Variants in USP32 observed in about 807,000 individuals in gnomAD.
USP32 encodes the protein ubiquitin carboxyl-terminal hydrolase 32.
USP32 carries 59 observed loss-of-function variants against 204.8 expected under a neutral mutation model. The ratio of observed to expected loss-of-function variants is 0.29; its 90% CI spans 0.23 to 0.36. The LOEUF (loss-of-function observed/expected upper bound fraction) is 0.36, where lower values mean the gene tolerates loss of function less well. USP32 is among the 10% of genes least tolerant of loss of function. USP32 has a pLI of 1.00. For missense variants in USP32, 1,160 were observed against 1,946.4 expected, an observed-to-expected ratio of 0.60 and a Z score of 7.60; for synonymous variants, 517 against 678.4, an observed-to-expected ratio of 0.76 and a Z score of 3.70.
chr17:60,393,846 G>A (rs2146151364), upstream of USP32, among the ~76,000 whole-genome samples: 1 of 152,144 alleles, frequency 6.6e-6, no homozygotes, highest in East Asian at 1.9e-4. Flanking sequence ...CACCATGCCT[G>A]GCTAATTTTG....
chr17:60,311,174 G>C (rs942129437), intron 2 of USP32, among the ~76,000 whole-genome samples: 3 of 152,070 alleles, frequency 2.0e-5, no homozygotes, highest in Non-Finnish European at 4.4e-5. Flanking sequence ...AACATTTAAG[G>C]TAATGAATAT....
At chr17:60,232,938 A>T (rs2085612676) in intron 12 of USP32, among the ~76,000 whole-genome samples, 1 of 152,200 alleles carries the variant, frequency 6.6e-6, no homozygotes, top group Non-Finnish European at 1.5e-5. Flanking sequence ...TCTGCCAGGC[A>T]CTGGGCTAAG....
chr17:60,374,459 G>A (rs531178502), intron 1 of USP32, among the ~76,000 whole-genome samples: 2 of 151,310 alleles, frequency 1.3e-5, no homozygotes, highest in South Asian at 2.1e-4. Flanking sequence ...GTGCACTGGC[G>A]TGATCAAGGC....
intron 15 of USP32, among the ~76,000 whole-genome samples, chr17:60,221,055 C>CT (rs924818328): frequency 1.0e-4 from 15 of 146,100 alleles, no homozygotes; most frequent in East Asian, 2.0e-4. Flanking sequence ...TGCAACAGAA[C>CT]TTTTTTTTTT....
At chr17:60,314,835 G>C (rs1350556525) in intron 2 of USP32, among the ~76,000 whole-genome samples, 1 of 151,918 alleles carries the variant, frequency 6.6e-6, no homozygotes, top group Non-Finnish European at 1.5e-5. Flanking sequence ...CACTGAGAGG[G>C]AAAAAGGTAT....
upstream of USP32, among the ~76,000 whole-genome samples, chr17:60,393,944 A>G (rs929564535): frequency 6.6e-6 from 1 of 152,144 alleles, no homozygotes; most frequent in Non-Finnish European, 1.5e-5. Context: ...TCAGCCTCCC[A>G]GAGTGCTGGG....
chr17:60,339,202 C>T (rs907146717), intron 2 of USP32, among the ~76,000 whole-genome samples: 1 of 151,986 alleles, frequency 6.6e-6, no homozygotes, highest in East Asian at 1.9e-4. Flanking sequence ...TGAGCCACCG[C>T]GCCCAGCCTA....
chr17:60,259,328 T>C (rs548313182), intron 9 of USP32, among the ~76,000 whole-genome samples: 20 of 152,306 alleles, frequency 1.3e-4, no homozygotes, highest in Middle Eastern at 3.4e-3. Flanking sequence ...ATATATAGCA[T>C]ATATGCCCTT....
intron 11 of USP32, among the ~76,000 whole-genome samples, chr17:60,238,066 A>C (rs1286678980): frequency 6.6e-6 from 1 of 152,174 alleles, no homozygotes; most frequent in Non-Finnish European, 1.5e-5. Context: ...CCTACTTGCC[A>C]AAACCTTCCA....
intron 5 of USP32, among the ~76,000 whole-genome samples, chr17:60,282,909 A>T (rs2087003858): frequency 6.6e-6 from 1 of 152,144 alleles, no homozygotes; most frequent in African/African-American, 2.4e-5. Flanking sequence ...ACTAAGAAAA[A>T]CTCAAAGGAA....
intron 1 of USP32, among the ~76,000 whole-genome samples, chr17:60,353,780 G>A (rs1291811240): frequency 2.0e-5 from 3 of 152,068 alleles, no homozygotes; most frequent in East Asian, 1.9e-4. Flanking sequence ...TATGTAAATC[G>A]CTTTTACAAA....
At chr17:60,224,140 T>TAA (rs2085325989) in intron 13 of USP32, among the ~76,000 whole-genome samples, 1 of 152,218 alleles carries the variant, frequency 6.6e-6, no homozygotes, top group Non-Finnish European at 1.5e-5. Context: ...AACCATGGCT[T>TAA]AGAGTTGTGA....
In USP32 at chr17:60,324,481, T is replaced by C. The variant is rs187727456; in HGVS notation, c.186+21000A>G. 1.8e-4 allele frequency among the ~76,000 whole-genome samples: 28 copies of C among 152,042 alleles called. No homozygotes were observed. In the East Asian group the frequency reaches 4.6e-3, roughly 25 times the overall value. On this transcript the variant is annotated intron_variant, in intron 2 of 33. Transcript: ENST00000300896. ...TACCCCTGAGATCAATGGGTTCCTA[T>C]AGATAGAATTTTATATTTATATTTT... is the stretch of plus-strand genomic sequence containing the variant.
chr17:60,195,691 C>G (rs547294420), intron 27 of USP32, among the ~76,000 whole-genome samples: 4 of 152,288 alleles, frequency 2.6e-5, no homozygotes, highest in Middle Eastern at 6.8e-3. Context: ...TGTCGGAATG[C>G]GTATGAACTC....
chr17:60,265,425 T>C lies in USP32; in HGVS notation c.977A>G (p.His326Arg), dbSNP rs774581922. ...SDIVEGILNA[H>R]DTTKMGHLTL... ...ATCTAGACTCACCTTTGTGGTGTCA[T>C]GTGCATTCAGTATGCCTTCTACAAT... is the stretch of plus-strand genomic sequence containing the variant. The change falls in exon 9 of 34, where the codon CAT becomes CGT. Residue 326 changes from histidine (H) to arginine (R), a missense_variant. Coordinates refer to ENST00000300896, the MANE Select transcript of USP32 (RefSeq NM_032582.4). The C allele has an allele frequency of 5.0e-6, 8 of 1,605,598 alleles. No individual in the cohort carries two copies. Among genetic ancestry groups the C allele is most frequent in the Middle Eastern group, 1.7e-4 (1 of 5,978 alleles).
chr17:60,273,718 G>T (rs1222480335), intron 5 of USP32, among the ~76,000 whole-genome samples: 3 of 152,134 alleles, frequency 2.0e-5, no homozygotes, highest in Non-Finnish European at 4.4e-5. Context: ...CAGCACTTTG[G>T]GAGGCCAAGG....
intron 1 of USP32, among the ~76,000 whole-genome samples, chr17:60,383,837 G>C (rs1349780614): frequency 1.3e-5 from 2 of 152,202 alleles, no homozygotes; most frequent in Non-Finnish European, 2.9e-5. Context: ...ATTATTTACA[G>C]CCTTGTAGAC....
chr17:60,267,794 C>G (rs2086632146), intron 7 of USP32, among the ~76,000 whole-genome samples: 1 of 151,778 alleles, frequency 6.6e-6, no homozygotes, highest in South Asian at 2.1e-4. Flanking sequence ...GCTGGGATTA[C>G]AGGTGTGAGC....
At chr17:60,265,648 C>T (rs2086572287) in intron 8 of USP32, among the ~76,000 whole-genome samples, 174 bp from the exon 9 acceptor site, 1 of 152,190 alleles carries the variant, frequency 6.6e-6, no homozygotes, top group Non-Finnish European at 1.5e-5. Context: ...TCCTCCAGCC[C>T]TGGCTTCCCA....
Sources: gnomAD v4.1 joint callset for allele counts (sites outside exome capture counted in the v4.1 genomes callset) on GRCh38, gnomAD v4.1.1 for gene constraint, MANE v1.5 for transcripts, NCBI Gene and HGNC (gene_info 2026-07-23, HGNC 2026-07-21) for gene names.